Variants in CDH23 observed in about 807,000 individuals in gnomAD.
The protein encoded by CDH23 is cadherin related 23.
A neutral mutation model predicts 317.1 loss-of-function variants in CDH23; 189 were observed. The ratio of observed to expected loss-of-function variants is 0.60; its 90% confidence interval spans 0.53 to 0.67. The LOEUF is 0.67. Ranked by LOEUF, CDH23 falls within the 30% of genes least tolerant of loss-of-function variation. The pLI, the probability that CDH23 is intolerant of heterozygous loss-of-function variation, is 0.00. For synonymous variants in CDH23, 1,839 were observed against 1,876.8 expected (o/e 0.98, Z 0.52); for missense variants, 4,401 against 4,592.4 (o/e 0.96, Z 1.20).
intron 6 of CDH23, among the ~76,000 whole-genome samples, chr10:71,527,259 C>T (rs1415323921): frequency 1.3e-5 from 2 of 152,256 alleles, no homozygotes; most frequent in Middle Eastern, 3.2e-3. Flanking sequence ...TTGCCACAGC[C>T]GCCCTGCCTC....
At chr10:71,553,992 C>A (rs1259016895) in intron 6 of CDH23, among the ~76,000 whole-genome samples, 1 of 152,218 alleles carries the variant, frequency 6.6e-6, no homozygotes, top group African/African-American at 2.4e-5. Flanking sequence ...CCATAAGTAA[C>A]ATCTGCAAAG....
rs562242223 is a variant in CDH23 at position 71,431,446 on chromosome 10, G to C, written c.-5-8381G>C. On this transcript the variant is annotated intron_variant, in intron 1 of 69. Transcript: ENST00000224721. ...CCCGGCAGTGGCCTGGATAGTGTGG[G>C]CTTTGAAGCGTGGTCATCGGTGACC... Among the ~76,000 whole-genome samples, 3 of 152,328 alleles carry C rather than the reference G, an allele frequency of 2.0e-5. No homozygotes were observed. The East Asian group carries it at 5.8e-4, about 29-fold the overall frequency.
intron 38 of CDH23, chr10:71,752,996 T>A (rs1320014660): frequency 6.2e-7 from 1 of 1,612,982 alleles, no homozygotes; most frequent in Non-Finnish European, 8.5e-7. Context: ...CACCAGCTCC[T>A]GGGCACCTAG....
rs371170730 is a variant in CDH23 at position 71,815,068 on chromosome 10, G to A, written c.9855G>A (p.Val3285=). ...ELKGPDGIHV[V]HGSTGTLLAT... ...AGGGGCCCGATGGGATCCATGTGGT[G>A]CACGGCAGCACGGGCACGCTGCTGG... Residue 3285 remains valine, a synonymous_variant, in exon 70 of 70, where the codon GTG becomes GTA. Transcript: ENST00000224721. 12 of 1,611,534 alleles carry A rather than the reference G, an allele frequency of 7.4e-6. No homozygotes were observed. The highest frequency in any genetic ancestry group is 1.0e-5 in the Non-Finnish European group (12 of 1,179,304).
chr10:71,637,243 G>A (rs1862319042), intron 11 of CDH23, among the ~76,000 whole-genome samples: 1 of 152,150 alleles, frequency 6.6e-6, no homozygotes, highest in Non-Finnish European at 1.5e-5. Flanking sequence ...AGGGAAACCT[G>A]CGCCCCACGC....
At chr10:71,635,927 A>G (rs1192487580) in intron 11 of CDH23, among the ~76,000 whole-genome samples, 1 of 152,012 alleles carries the variant, frequency 6.6e-6, no homozygotes, top group African/African-American at 2.4e-5. Context: ...ACATGGCTGG[A>G]GGGGCAAGGA....
At chr10:71,545,978 G>T (rs528322681) in intron 6 of CDH23, among the ~76,000 whole-genome samples, 2 of 152,296 alleles carry the variant, frequency 1.3e-5, no homozygotes, top group Admixed American at 1.3e-4. Context: ...GGGCCAAACA[G>T]AAGTAAGACT....
chr10:71,767,584 A>G (rs1394700850), intron 38 of CDH23, among the ~76,000 whole-genome samples: 2 of 152,160 alleles, frequency 1.3e-5, no homozygotes, highest in Non-Finnish European at 2.9e-5. Context: ...GGGCTGTAGG[A>G]AAAGACTATG....
At chr10:71,491,386 T>C (rs1260396736) in intron 3 of CDH23, among the ~76,000 whole-genome samples, 1 of 152,168 alleles carries the variant, frequency 6.6e-6, no homozygotes, top group Non-Finnish European at 1.5e-5. Flanking sequence ...CCCTGAGACA[T>C]GCAGGCAAGC....
At position 71,704,984 on chromosome 10, in the gene CDH23, T is replaced by C. The variant is rs1178387453; in HGVS notation, c.2807T>C (p.Met936Thr). 1 of 1,612,862 alleles carries C rather than the reference T, an allele frequency of 6.2e-7. No individual in the cohort carries two copies. The highest frequency in any genetic ancestry group is 1.7e-5 in the Admixed American group (1 of 60,028). The change falls in exon 25 of 70, where the codon ATG becomes ACG. Residue 936 changes from methionine to threonine, a missense_variant. By Grantham distance (81) the Met-to-Thr change is moderately conservative. Transcript: ENST00000224721. ...CGCATGCCGGTGGGCATGCCCCGCA[T>C]GGACTTCCTCATCAACAGCAGCAGC... ...SYRMPVGMPR[M>T]DFLINSSSGV...
chr10:71,475,148 G>T (rs949679890), intron 3 of CDH23, among the ~76,000 whole-genome samples: 1 of 152,180 alleles, frequency 6.6e-6, no homozygotes, highest in Non-Finnish European at 1.5e-5. Context: ...TAACCTTAGT[G>T]CAGGGCTGCT....
Position 71,797,175 on chromosome 10 carries a change from G to T in CDH23, c.6784G>T (p.Asp2262Tyr). The T allele has an allele frequency of 6.2e-7, 1 of 1,613,588 alleles. No homozygotes were observed. The highest frequency in any genetic ancestry group is 8.5e-7 in the Non-Finnish European group (1 of 1,179,742). Residue 2262 changes from aspartate to tyrosine, a missense_variant, in exon 49 of 70, where the codon GAC (aspartate) becomes TAC (tyrosine). By Grantham distance (160) the Asp-to-Tyr change is radical (BLOSUM62 -3). This residue lies in a region of CDH23 where 3,068 missense variants were observed against 3,203.3 expected (regional missense o/e 0.96). Coordinates refer to ENST00000224721, the MANE Select transcript of CDH23 (RefSeq NM_022124.6). Reference sequence around the variant, plus strand: ...CTATGAGGTCACTCTCTCAGTGATTGACAATGCCAGCGACCTACCAGAGCG... The same window carrying T: ...CTATGAGGTCACTCTCTCAGTGATTTACAATGCCAGCGACCTACCAGAGCG... ...ATYEVTLSVI[D>Y]NASDLPERSV...
chr10:71,689,865 G>A lies in CDH23; in HGVS notation c.2060-603G>A, dbSNP rs144644023. On this transcript the variant is annotated intron_variant, in intron 19 of 69. Coordinates refer to ENST00000224721, the MANE Select transcript of CDH23 (RefSeq NM_022124.6). ...CCACTGGGCCAGAGCTGGCAGTTGG[G>A]TGGCAGGAGGGGCTGGAGCCAGAAG... Among the ~76,000 whole-genome samples the A allele has an allele frequency of 6.2e-3, 940 of 152,318 alleles. 6 individuals carry two copies. Among genetic ancestry groups the A allele is most frequent in the Middle Eastern group, 0.041 (12 of 294 alleles).
chr10:71,807,865 G>A lies in CDH23; in HGVS notation c.8580G>A (p.Lys2860=). Reference sequence around the variant, plus strand: ...CTGCAGGGGTGGCCACCGACGCCAAGGTGGGCTCAGAGTTGATCCAGGTGC... The same window carrying A: ...CTGCAGGGGTGGCCACCGACGCCAAAGTGGGCTCAGAGTTGATCCAGGTGC... ...EYTAGVATDA[K]VGSELIQVLA... is the part of the protein sequence containing the mutation. The change falls in exon 60 of 70, where the codon AAG becomes AAA. Residue 2860 remains lysine, a synonymous_variant. Coordinates refer to ENST00000224721, the MANE Select transcript of CDH23 (RefSeq NM_022124.6). 1.2e-6 allele frequency: 2 copies of A among 1,603,606 alleles called. No homozygotes were observed. The highest frequency in any genetic ancestry group is 1.7e-6 in the Non-Finnish European group (2 of 1,175,032).
intron 14 of CDH23, among the ~76,000 whole-genome samples, chr10:71,671,046 G>A (rs914184039): frequency 2.0e-5 from 3 of 146,952 alleles, no homozygotes; most frequent in Non-Finnish European, 4.4e-5. Flanking sequence ...TGCAACCTCC[G>A]CTTCCCAGGT....
intron 41 of CDH23, among the ~76,000 whole-genome samples, chr10:71,782,469 T>G (rs1171146742): frequency 1.3e-5 from 2 of 152,240 alleles, no homozygotes; most frequent in Non-Finnish European, 2.9e-5. Flanking sequence ...CACACAGGCA[T>G]GAAGTCCAGA....
chr10:71,814,944 T>G lies in CDH23; in HGVS notation c.9739-8T>G. On this transcript the variant is annotated splice_region_variant and splice_polypyrimidine_tract_variant and intron_variant, in intron 69 of 69. Coordinates refer to ENST00000224721, the MANE Select transcript of CDH23 (RefSeq NM_022124.6). Reference sequence around the variant, plus strand: ...CCCTGAGCATGTGGGGGTCCCGGCCTCTTGCAGCTGATACAGACTGAGCTG... The same window carrying G: ...CCCTGAGCATGTGGGGGTCCCGGCCGCTTGCAGCTGATACAGACTGAGCTG... 6.2e-7 allele frequency: 1 copy of G among 1,603,388 alleles called. No homozygotes were observed. The highest frequency in any genetic ancestry group is 8.5e-7 in the Non-Finnish European group (1 of 1,173,048).
chr10:71,800,827 A>G (rs1032630000), intron 53 of CDH23, 72 bp downstream of exon 53: 4 of 1,575,108 alleles, frequency 2.5e-6, no homozygotes, highest in Non-Finnish European at 2.6e-6. Flanking sequence ...AGCCTCTAGC[A>G]AGTGGACTGC....
chr10:71,726,396 C>T (rs1866812845), intron 30 of CDH23, among the ~76,000 whole-genome samples: 1 of 152,162 alleles, frequency 6.6e-6, no homozygotes, highest in South Asian at 2.1e-4. Context: ...CGGTGGTCAC[C>T]GGGTACTCAC....
Sources: gnomAD v4.1 joint callset for allele counts (sites outside exome capture counted in the v4.1 genomes callset) on GRCh38, gnomAD v4.1.1 for gene constraint, gnomAD v4.1.1 regional missense constraint, MANE v1.5 for transcripts, NCBI Gene and HGNC (gene_info 2026-07-23, HGNC 2026-07-21) for gene names.